Variants in ZCCHC14 observed in about 807,000 individuals in gnomAD.
ZCCHC14 encodes the protein zinc finger CCHC domain-containing protein 14.
Under a neutral mutation model 85.0 loss-of-function variants are expected in ZCCHC14, and 16 were observed. The ratio of observed to expected loss-of-function variants is 0.19; its 90% CI spans 0.13 to 0.29. ZCCHC14 has a LOEUF of 0.29. Among genes scored for constraint, ZCCHC14 ranks in the 10% least tolerant of loss-of-function variants. The pLI is 1.00. For synonymous variants in ZCCHC14, 775 were observed against 630.7 expected (o/e 1.23, Z -3.43); for missense variants, 1,303 against 1,443.5 (o/e 0.90, Z 1.58).
intron 5 of ZCCHC14, 62 bp from the exon 6 acceptor site, chr16:87,419,939 G>A: frequency 7.0e-7 from 1 of 1,434,784 alleles, no homozygotes; most frequent in African/African-American, 1.4e-5. Context: ...CGAATTGAAA[G>A]AAAAAAATTT....
In ZCCHC14 at chr16:87,437,272, G is replaced by A. The variant is rs188210633; in HGVS notation, c.695-4071C>T. Among the ~76,000 whole-genome samples, 371 of 150,078 alleles carry A rather than the reference G, an allele frequency of 2.5e-3. 2 individuals are homozygous for A. Among genetic ancestry groups the A allele is most frequent in the Admixed American group, 0.011 (159 of 14,932 alleles). On this transcript the variant is annotated intron_variant, in intron 2 of 12. Coordinates refer to ENST00000671377, the MANE Select transcript of ZCCHC14 (RefSeq NM_015144.3). ...AATCACTTGACCCCAGGAGGCAGAGGTGGCAGTGAGCTGAGATTTGCGCCA... is the reference window on the plus strand; with the variant it reads ...AATCACTTGACCCCAGGAGGCAGAGATGGCAGTGAGCTGAGATTTGCGCCA...
rs1555527008 is a variant in ZCCHC14 at position 87,492,917 on chromosome 16, G to GCGGCGGCGGCGGCGGCGA, written c.-680_-679insTCGCCGCCGCCGCCGCCG. Among the ~76,000 whole-genome samples the GCGGCGGCGGCGGCGGCGA allele has an allele frequency of 2.5e-4, 37 of 145,324 alleles. No individual in the cohort carries two copies. The highest frequency in any genetic ancestry group is 1.5e-3 in the South Asian group (7 of 4,698). On this transcript the variant is annotated 5_prime_UTR_variant, in exon 1 of 13. Transcript: ENST00000671377. The surrounding 1 kb of genome is among the most constrained non-coding windows in gnomAD (Gnocchi z 6.7). Reference sequence around the variant, plus strand: ...GGATCCGGGCCCGAGCGCGGCGGCGGCGGCGACGGCGACGGCGACGGCGAC... The same window carrying GCGGCGGCGGCGGCGGCGA: ...GGATCCGGGCCCGAGCGCGGCGGCGGCGGCGGCGGCGGCGGCGACGGCGACGGCGACGGCGACGGCGAC...
Position 87,491,650 on chromosome 16 carries a change from G to A in ZCCHC14, c.570+19C>T, listed in dbSNP as rs1037739228. ...ATGCAGACTTGGGGTACAGGGCAGA[G>A]CTCGGGGCGGGCACGCACCTTGTGG... is the stretch of plus-strand genomic sequence containing the variant. On this transcript the variant is annotated intron_variant, in intron 1 of 12. Transcript: ENST00000671377. The surrounding 1 kb of genome is among the most constrained non-coding windows in gnomAD (Gnocchi z 5.9). 7 of 1,393,482 alleles carry A rather than the reference G, an allele frequency of 5.0e-6. No homozygotes were observed. The highest frequency in any genetic ancestry group is 3.0e-5 in the East Asian group (1 of 33,462). 86.3% of individuals were successfully genotyped at this position (1,393,482 alleles called of 1,614,324 possible).
At chr16:87,466,481 C>T (rs940467940) in intron 1 of ZCCHC14, among the ~76,000 whole-genome samples, 3 of 152,174 alleles carry the variant, frequency 2.0e-5, no homozygotes, top group African/African-American at 7.2e-5. Context: ...TGCCAGCGAC[C>T]TCTCTGGCAG....
rs1382759459 is a variant in ZCCHC14, at chr16:87,475,526, C to G, written c.571-15395G>C. Among the ~76,000 whole-genome samples, 2 of 146,076 alleles carry G rather than the reference C, an allele frequency of 1.4e-5. 1 individual carries two copies. Among genetic ancestry groups the G allele is most frequent in the Middle Eastern group, 6.5e-3 (2 of 310 alleles). ...CGAGAGTGTGCCACTGTACTCCAGC[C>G]TGGGTGGCAGAGCAAGACTCTGTCT... On this transcript the variant is annotated intron_variant, in intron 1 of 12. Coordinates refer to ENST00000671377, the MANE Select transcript of ZCCHC14 (RefSeq NM_015144.3).
chr16:87,455,665 C>T (rs1266865310), intron 2 of ZCCHC14, among the ~76,000 whole-genome samples: 1 of 152,210 alleles, frequency 6.6e-6, no homozygotes. Context: ...ATGCTACAGG[C>T]AACCAGCTTA....
At chr16:87,490,442 G>C (rs1275846780) in intron 1 of ZCCHC14, among the ~76,000 whole-genome samples, 1 of 152,242 alleles carries the variant, frequency 6.6e-6, no homozygotes, top group East Asian at 1.9e-4. Flanking sequence ...CCAGGTCAAA[G>C]TAATCTCTTC....
At chr16:87,487,782 A>G (rs761144937) in intron 1 of ZCCHC14, among the ~76,000 whole-genome samples, 54 of 152,248 alleles carry the variant, frequency 3.5e-4, no homozygotes, top group Non-Finnish European at 6.3e-4. Flanking sequence ...GCCTCTTCAC[A>G]CAGGGGAACG....
rs527546994 is a variant in ZCCHC14 at position 87,421,692 on chromosome 16, C to T, written c.841-976G>A. Among the ~76,000 whole-genome samples, 28 of 152,222 alleles carry T rather than the reference C, an allele frequency of 1.8e-4. 1 individual carries two copies. The South Asian group carries it at 1.9e-3, about 10-fold the overall frequency. On this transcript the variant is annotated intron_variant, in intron 4 of 12. Coordinates refer to ENST00000671377, the MANE Select transcript of ZCCHC14 (RefSeq NM_015144.3). ...GCTGAAAGCTGGGAGTGAAGCAAAA[C>T]GGCGGAGAAGACCCTCCAGACTCAG...
chr16:87,454,365 C>T (rs1405756862), intron 2 of ZCCHC14, among the ~76,000 whole-genome samples: 1 of 152,154 alleles, frequency 6.6e-6, no homozygotes, highest in African/African-American at 2.4e-5. Flanking sequence ...ACAAACCATT[C>T]CAAACCAAAG....
intron 1 of ZCCHC14, among the ~76,000 whole-genome samples, chr16:87,477,139 AAACAAAAC>A (rs554468779): frequency 0.013 from 1,274 of 101,430 alleles, 86 homozygotes; most frequent in East Asian, 0.027. Flanking sequence ...AAAAAAAAAA[AAACAAAAC>A]AAAACCAAAA....
At chr16:87,443,827 A>T (rs1310073634) in intron 2 of ZCCHC14, among the ~76,000 whole-genome samples, 1 of 152,220 alleles carries the variant, frequency 6.6e-6, no homozygotes, top group African/African-American at 2.4e-5. Flanking sequence ...ACTTGAGACC[A>T]GGAGTTCAAG....
At chr16:87,436,655 G>C (rs956327306) in intron 2 of ZCCHC14, among the ~76,000 whole-genome samples, 1 of 152,242 alleles carries the variant, frequency 6.6e-6, no homozygotes, top group Non-Finnish European at 1.5e-5. Flanking sequence ...GATGGGTGCA[G>C]CAACACATCA....
intron 1 of ZCCHC14, among the ~76,000 whole-genome samples, chr16:87,478,000 C>G (rs1912100025): frequency 6.6e-6 from 1 of 152,130 alleles, no homozygotes; most frequent in Non-Finnish European, 1.5e-5. Context: ...CACCTAGAAC[C>G]ACTGATACGC....
chr16:87,464,909 G>C (rs1052224058), intron 1 of ZCCHC14, among the ~76,000 whole-genome samples: 1 of 152,238 alleles, frequency 6.6e-6, no homozygotes, highest in African/African-American at 2.4e-5. Flanking sequence ...GTGCACGAGA[G>C]GGAAGACTGA....
rs1555526129 is a variant in ZCCHC14, at chr16:87,485,605, A to AAG, written c.570+6063_570+6064insCT. ...GGCAGTTTTCCAAAAAAAAAAAAAA[A>AAG]AAGAAGAAGAATCTTTTTCTAAAAT... On this transcript the variant is annotated intron_variant, in intron 1 of 12. Transcript: ENST00000671377. 2.2e-3 allele frequency among the ~76,000 whole-genome samples: 332 copies of AAG among 151,416 alleles called. 1 individual carries two copies. Among genetic ancestry groups the AAG allele is most frequent in the African/African-American group, 7.6e-3 (312 of 41,036 alleles).
intron 2 of ZCCHC14, among the ~76,000 whole-genome samples, chr16:87,437,384 C>T (rs955283188): frequency 4.0e-5 from 6 of 151,050 alleles, no homozygotes; most frequent in Admixed American, 4.0e-4. Flanking sequence ...CAAACATCAC[C>T]CCATCACCTG....
chr16:87,447,084 A>C (rs1334835570), intron 2 of ZCCHC14, among the ~76,000 whole-genome samples: 2 of 152,210 alleles, frequency 1.3e-5, no homozygotes, highest in African/African-American at 4.8e-5. Flanking sequence ...CTAAGACTCA[A>C]CAGGAAGACA....
intron 2 of ZCCHC14, among the ~76,000 whole-genome samples, chr16:87,450,013 C>T (rs116548774): frequency 2.2e-3 from 337 of 152,340 alleles, no homozygotes; most frequent in African/African-American, 7.8e-3. Context: ...AGGCACTGCA[C>T]TGCAGCCTGG....
Sources: allele counts gnomAD v4.1 joint callset (sites outside exome capture counted in the v4.1 genomes callset), GRCh38; gene constraint gnomAD v4.1.1; non-coding constraint Gnocchi (gnomAD v3.1); transcripts MANE v1.5; gene names NCBI Gene and HGNC (gene_info 2026-07-23, HGNC 2026-07-21).